Variants in CHD7 observed in about 807,000 individuals in gnomAD.
CHD7 encodes ATP-dependent chromatin remodeler CHD7.
Under a neutral mutation model 307.3 loss-of-function variants are expected in CHD7, and 24 were observed. That is an observed-to-expected ratio of 0.08 (90% confidence interval 0.06 to 0.11). The LOEUF is 0.11. Ranked by LOEUF, CHD7 falls within the 10% of genes least tolerant of loss-of-function variation. The probability of loss-of-function intolerance (pLI) is 1.00; values close to 1 mark genes in which losing one functional copy is unlikely to be tolerated. For missense variants in CHD7, 3,106 were observed against 3,727.1 expected (o/e 0.83, Z 4.34); for synonymous variants, 1,363 against 1,349.9 (o/e 1.01, Z -0.21).
intron 29 of CHD7, 52 bp downstream of exon 29, chr8:60,852,299 T>C: frequency 6.6e-7 from 1 of 1,515,566 alleles, no homozygotes; most frequent in South Asian, 1.2e-5. Context: ...CCCTCTGCCC[T>C]GCTCCTGTAG....
At chr8:60,831,282 G>A (rs78825336) in intron 15 of CHD7, among the ~76,000 whole-genome samples, 2,565 of 152,228 alleles carry the variant, frequency 0.017, 30 homozygotes, top group Non-Finnish European at 0.026. Flanking sequence ...GATTGAGATT[G>A]GGGGAGTCTT....
At chr8:60,832,302 G>T (rs1451872302) in intron 15 of CHD7, among the ~76,000 whole-genome samples, 3 of 152,168 alleles carry the variant, frequency 2.0e-5, no homozygotes, top group Non-Finnish European at 4.4e-5. Flanking sequence ...TGGGATTACA[G>T]GTGTGAGCCA....
intron 23 of CHD7, among the ~76,000 whole-genome samples, chr8:60,845,830 G>A (rs1191949460): frequency 6.6e-6 from 1 of 152,176 alleles, no homozygotes; most frequent in Non-Finnish European, 1.5e-5. Context: ...ATCTGTACCT[G>A]AAATGTTTCC....
chr8:60,821,454 T>G (rs189196592), intron 9 of CHD7, among the ~76,000 whole-genome samples: 50 of 152,144 alleles, frequency 3.3e-4, no homozygotes, highest in Non-Finnish European at 6.0e-4. Flanking sequence ...CAATTCAGAC[T>G]TACTCATGCT....
intron 1 of CHD7, among the ~76,000 whole-genome samples, chr8:60,736,370 C>T (rs1808710711): frequency 6.6e-6 from 1 of 152,162 alleles, no homozygotes; most frequent in Non-Finnish European, 1.5e-5. Context: ...AGTGGAAGCT[C>T]AGCAGTGTGA....
rs376893919 is a variant in CHD7 at position 60,823,833 on chromosome 8, C to G, written c.3202-7C>G. 1.4e-5 allele frequency: 22 copies of G among 1,611,214 alleles called. No individual in the cohort carries two copies. The highest frequency in any genetic ancestry group is 1.6e-4 in the Middle Eastern group (1 of 6,080). ...TGCTTAATAATAATTCAGAGTTGTT[C>G]TTATAGGGTCGAGTGATAAAGGGGT... On this transcript the variant is annotated splice_polypyrimidine_tract_variant and splice_region_variant and intron_variant, in intron 12 of 37. Transcript: ENST00000423902.
At chr8:60,679,438 T>TTG (rs1554569388) in intron 1 of CHD7, 1 of 76,690 alleles carries the variant, frequency 1.3e-5, no homozygotes, top group Admixed American at 1.2e-4. Flanking sequence ...GCTGCCGGCG[T>TTG]GGGGGGGGGG....
rs727503862 is a variant in CHD7 at position 60,781,032 on chromosome 8, A to G, written c.1698A>G (p.Pro566=). ...CGTCGGAGCCCTTTCTAGAGAAACC[A>G]GTGCCGGATATGACTCAGGTTAGTG... ...HSPSEPFLEK[P]VPDMTQVSGP... The change falls in exon 3 of 38, where the codon CCA becomes CCG. Residue 566 remains proline (P), a synonymous_variant. Transcript: ENST00000423902. The G allele has an allele frequency of 5.7e-6, 9 of 1,583,248 alleles. No individual in the cohort carries two copies. Among genetic ancestry groups the G allele is most frequent in the Non-Finnish European group, 6.8e-6 (8 of 1,168,364 alleles).
intron 1 of CHD7, among the ~76,000 whole-genome samples, chr8:60,700,520 A>G (rs141824156): frequency 1.6e-4 from 24 of 152,202 alleles, no homozygotes; most frequent in African/African-American, 5.5e-4. Context: ...GCCTAACACA[A>G]TGAGACGATG....
At chr8:60,850,409 G>A (rs1805400353) in intron 25 of CHD7, 84 bp from the exon 26 acceptor site, 1 of 1,492,594 alleles carries the variant, frequency 6.7e-7, no homozygotes, top group Non-Finnish European at 9.1e-7. Context: ...ACAAACTTGT[G>A]TTGTGGCAGT....
At chr8:60,732,356 T>C (rs1230762038) in intron 1 of CHD7, among the ~76,000 whole-genome samples, 1 of 152,258 alleles carries the variant, frequency 6.6e-6, no homozygotes, top group African/African-American at 2.4e-5. Flanking sequence ...CAAGAGCAGC[T>C]AGCTGTTTGC....
intron 4 of CHD7, among the ~76,000 whole-genome samples, chr8:60,797,766 C>T (rs78964115): frequency 6.6e-6 from 1 of 152,146 alleles, no homozygotes; most frequent in East Asian, 1.9e-4. Flanking sequence ...TTGATAATGG[C>T]CTTTTATATC....
intron 2 of CHD7, among the ~76,000 whole-genome samples, chr8:60,775,991 C>G (rs889489738): frequency 1.3e-5 from 2 of 152,298 alleles, no homozygotes; most frequent in South Asian, 4.2e-4. Flanking sequence ...AACTCCTGAC[C>G]TCAGGTGATC....
intron 4 of CHD7, among the ~76,000 whole-genome samples, chr8:60,798,695 G>GA (rs1312947642): frequency 2.6e-5 from 4 of 152,030 alleles, no homozygotes; most frequent in Admixed American, 2.6e-4. Context: ...ATAATTCTTA[G>GA]AAAAAATTTT....
intron 17 of CHD7, 44 bp from the exon 18 acceptor site, chr8:60,837,624 C>G: frequency 6.9e-7 from 1 of 1,452,768 alleles, no homozygotes; most frequent in Middle Eastern, 1.8e-4. Flanking sequence ...GAGACAGAAA[C>G]ATTAGGTTCA....
Position 60,735,150 on chromosome 8 carries a change from A to G in CHD7, c.-174-6109A>G, listed in dbSNP as rs184017576. Among the ~76,000 whole-genome samples, 20 of 152,340 alleles carry G rather than the reference A, an allele frequency of 1.3e-4. No homozygotes were observed. In the East Asian group the frequency reaches 3.1e-3, roughly 23 times the overall value. On this transcript the variant is annotated intron_variant, in intron 1 of 37. Coordinates refer to ENST00000423902, the MANE Select transcript of CHD7 (RefSeq NM_017780.4). ...CAGGGCCACATCTGCTTCGTTCAAC[A>G]CTGTATACACAGTGTCTGTTAACCT...
chr8:60,722,317 C>T (rs908536161), intron 1 of CHD7, among the ~76,000 whole-genome samples: 18 of 152,070 alleles, frequency 1.2e-4, no homozygotes, highest in African/African-American at 3.4e-4. Flanking sequence ...TCCATGGGTA[C>T]GATTGTGGTC....
intron 15 of CHD7, among the ~76,000 whole-genome samples, chr8:60,833,834 T>G (rs1452017780): frequency 6.6e-6 from 1 of 152,242 alleles, no homozygotes; most frequent in Non-Finnish European, 1.5e-5. Flanking sequence ...TTAGCTGTGA[T>G]ATCACAAGGG....
intron 34 of CHD7, among the ~76,000 whole-genome samples, chr8:60,857,417 C>T (rs551866502): frequency 6.6e-6 from 1 of 152,242 alleles, no homozygotes; most frequent in East Asian, 1.9e-4. Context: ...TTTCTCAGTT[C>T]AGAGGAAATA....
Sources: gnomAD v4.1 joint callset for allele counts (sites outside exome capture counted in the v4.1 genomes callset) on GRCh38, gnomAD v4.1.1 for gene constraint, MANE v1.5 for transcripts, NCBI Gene and HGNC (gene_info 2026-07-23, HGNC 2026-07-21) for gene names.